GLRA2: variants seen among roughly 807,000 people sequenced by gnomAD.
The protein encoded by GLRA2 is glycine receptor subunit alpha-2.
Under a neutral mutation model 31.6 loss-of-function variants are expected in GLRA2, and 11 were observed. The observed-to-expected ratio is 0.35, with a 90% CI of 0.22 to 0.58. The LOEUF (loss-of-function observed/expected upper bound fraction) is 0.58. Ranked by LOEUF, GLRA2 falls within the 20% of genes least tolerant of loss-of-function variation. The pLI is 0.84. For missense variants in GLRA2, 212 were observed against 351.8 expected, an observed-to-expected ratio of 0.60 and a Z score of 3.18; for synonymous variants, 132 against 134.0, an observed-to-expected ratio of 0.99 and a Z score of 0.10.
chrX:14,471,690 G>C, the GLRA2 span, among the ~76,000 whole-genome samples: 1 of 112,181 alleles, frequency 8.9e-6, no homozygotes, highest in Non-Finnish European at 1.9e-5. Flanking sequence ...GAATAAGTGG[G>C]ATAGCCCAAT....
At chrX:14,560,797 CAAAAAAAAAAAAA>C (rs760583127) in intron 2 of GLRA2, among the ~76,000 whole-genome samples, 23 of 41,266 alleles carry the variant, frequency 5.6e-4, no homozygotes, top group African/African-American at 2.8e-3. Context: ...GACCCTGTCT[CAAAAAAAAAAAAA>C]AAAAAAAAAA....
rs17311189 is a variant in GLRA2, at chrX:14,620,631, T to C, written c.930+11426T>C. On this transcript the variant is annotated intron_variant, in intron 7 of 8. Transcript: ENST00000218075. ...AAACTACAAACTAAAGCAAACCATT[T>C]TCCATCCTTTATCACAAAATGGGGA... is the stretch of plus-strand genomic sequence containing the variant. 3.0e-4 allele frequency among the ~76,000 whole-genome samples: 33 copies of C among 111,484 alleles called. 1 individual carries two copies. The East Asian group carries it at 7.4e-3, about 25-fold the overall frequency.
chrX:14,609,238 A>G, intron 7 of GLRA2, 33 bp downstream of exon 7: 1 of 936,084 alleles, frequency 1.1e-6, no homozygotes, highest in South Asian at 2.0e-5. Flanking sequence ...AGATGACATG[A>G]AAGCTTCCCA....
intron 3 of GLRA2, 107 bp downstream of exon 3, chrX:14,574,507 T>G: frequency 1.7e-6 from 2 of 1,204,252 alleles, no homozygotes; most frequent in Non-Finnish European, 2.3e-6. Flanking sequence ...CCTGTAAATG[T>G]TACCTGCAAC....
chrX:14,500,006 C>G, the GLRA2 span, among the ~76,000 whole-genome samples: 1 of 111,541 alleles, frequency 9.0e-6, no homozygotes, highest in East Asian at 2.8e-4. Context: ...TATTTTCTTC[C>G]ACTTTGTGTG....
At chrX:14,696,862 T>A (rs1009483560) in intron 8 of GLRA2, among the ~76,000 whole-genome samples, 8 of 112,292 alleles carry the variant, frequency 7.1e-5, no homozygotes, top group Non-Finnish European at 1.3e-4. Flanking sequence ...GACATGGAGA[T>A]GTTCTTAAGT....
At chrX:14,695,560 A>G (rs1020395883) in intron 8 of GLRA2, among the ~76,000 whole-genome samples, 1 of 112,316 alleles carries the variant, frequency 8.9e-6, no homozygotes, top group Non-Finnish European at 1.9e-5. Flanking sequence ...AGATGGAGAT[A>G]CTGAAGCACA....
intron 4 of GLRA2, among the ~76,000 whole-genome samples, chrX:14,591,792 C>T (rs1056332495): frequency 8.9e-6 from 1 of 112,158 alleles, no homozygotes; most frequent in Non-Finnish European, 1.9e-5. Flanking sequence ...TGGCAGCTAG[C>T]ATGACCACTT....
At chrX:14,599,236 G>T (rs1454733007) in intron 4 of GLRA2, among the ~76,000 whole-genome samples, 1 of 112,449 alleles carries the variant, frequency 8.9e-6, no homozygotes, top group Non-Finnish European at 1.9e-5. Flanking sequence ...TTCAGGAAAT[G>T]AGTTATTTAA....
intron 2 of GLRA2, among the ~76,000 whole-genome samples, chrX:14,548,772 T>C (rs2089515375): frequency 8.9e-6 from 1 of 111,836 alleles, no homozygotes; most frequent in South Asian, 3.7e-4. Flanking sequence ...TACATGTTGA[T>C]AATATTGGAT....
At chrX:14,586,900 T>C (rs1281953549) in intron 4 of GLRA2, among the ~76,000 whole-genome samples, 1 of 111,708 alleles carries the variant, frequency 9.0e-6, no homozygotes, top group Non-Finnish European at 1.9e-5. Flanking sequence ...TATAGAAGGA[T>C]TTTTTTTAAA....
intron 2 of GLRA2, among the ~76,000 whole-genome samples, chrX:14,545,492 T>G (rs914358202): frequency 1.3e-4 from 14 of 111,602 alleles, no homozygotes; most frequent in African/African-American, 4.6e-4. Flanking sequence ...GAATTGGGGA[T>G]TAAATTTTCA....
At chrX:14,691,000 T>C (rs1226491777) in intron 8 of GLRA2, 141 bp downstream of exon 8, 11 of 584,525 alleles carry the variant, frequency 1.9e-5, no homozygotes, top group Non-Finnish European at 2.7e-5. Context: ...ACTGACTTAG[T>C]GCTCAGCTTA....
At chrX:14,723,245 T>G (rs1265995290) in intron 8 of GLRA2, among the ~76,000 whole-genome samples, 1 of 112,305 alleles carries the variant, frequency 8.9e-6, no homozygotes, top group Non-Finnish European at 1.9e-5. Flanking sequence ...TCTTTCTCAT[T>G]GAATGGCATT....
intron 7 of GLRA2, among the ~76,000 whole-genome samples, chrX:14,653,736 G>A: frequency 8.9e-6 from 1 of 112,441 alleles, no homozygotes; most frequent in South Asian, 3.6e-4. Context: ...TTCCACTGTG[G>A]GTAAAATGCT....
intron 4 of GLRA2, among the ~76,000 whole-genome samples, chrX:14,600,850 T>C (rs1369222971): frequency 1.8e-5 from 2 of 111,497 alleles, no homozygotes; most frequent in Non-Finnish European, 3.8e-5. Flanking sequence ...ATAGACAAGT[T>C]ATGAATGAAC....
At chrX:14,452,218 C>G in the GLRA2 span, among the ~76,000 whole-genome samples, 1 of 112,083 alleles carries the variant, frequency 8.9e-6, no homozygotes, top group Non-Finnish European at 1.9e-5. Flanking sequence ...ATTTAAGAAC[C>G]ACTCACTCAA....
chrX:14,482,745 T>TCACCAC, the GLRA2 span, among the ~76,000 whole-genome samples: 2 of 110,557 alleles, frequency 1.8e-5, no homozygotes, highest in East Asian at 2.8e-4. Context: ...ATCATAATTG[T>TCACCAC]CACCACCACC....
At chrX:14,637,732 T>C (rs1470467333) in intron 7 of GLRA2, among the ~76,000 whole-genome samples, 1 of 112,014 alleles carries the variant, frequency 8.9e-6, no homozygotes. Context: ...TAATACATTG[T>C]ATACGTCACA....
Sources: allele counts gnomAD v4.1 joint callset (sites outside exome capture counted in the v4.1 genomes callset), GRCh38; gene constraint gnomAD v4.1.1; transcripts MANE v1.5; gene names NCBI Gene and HGNC (gene_info 2026-07-23, HGNC 2026-07-21).